Variants in KHDRBS3 observed in about 807,000 individuals in gnomAD.
KHDRBS3 encodes KH domain-containing, RNA-binding, signal transduction-associated protein 3.
Under a neutral mutation model 45.6 loss-of-function variants are expected in KHDRBS3, and 23 were observed. The ratio of observed to expected loss-of-function variants is 0.50; its 90% CI spans 0.36 to 0.72. KHDRBS3 has a LOEUF of 0.72. Among genes scored for constraint, KHDRBS3 ranks in the 30% least tolerant of loss-of-function variants. KHDRBS3 has a pLI of 0.00. For missense variants in KHDRBS3, 352 were observed against 424.8 expected, an observed-to-expected ratio of 0.83 and a Z score of 1.51; for synonymous variants, 162 against 156.5, an observed-to-expected ratio of 1.04 and a Z score of -0.26.
intron 1 of KHDRBS3, among the ~76,000 whole-genome samples, chr8:135,461,072 C>A (rs1249002847): frequency 1.3e-5 from 2 of 152,260 alleles, no homozygotes; most frequent in Admixed American, 1.3e-4. Flanking sequence ...TCCTCCTCCA[C>A]CTCCTAAATG....
At chr8:135,508,553 G>A (rs1464180584) in intron 1 of KHDRBS3, among the ~76,000 whole-genome samples, 1 of 152,162 alleles carries the variant, frequency 6.6e-6, no homozygotes, top group Admixed American at 6.5e-5. Context: ...TATACTTAAT[G>A]ATGTTTGCAA....
chr8:135,512,280 T>G lies in KHDRBS3; in HGVS notation c.89-8957T>G, dbSNP rs192728757. Among the ~76,000 whole-genome samples the G allele has an allele frequency of 9.2e-5, 14 of 152,274 alleles. No homozygotes were observed. The East Asian group carries it at 2.7e-3, about 29-fold the overall frequency. On this transcript the variant is annotated intron_variant, in intron 1 of 8. Transcript: ENST00000355849. ...TCTTTATATTTCTTTTAAAAACAATTTAAATACTCCAGCTGGACTGTTGTA... is the reference window on the plus strand; with the variant it reads ...TCTTTATATTTCTTTTAAAAACAATGTAAATACTCCAGCTGGACTGTTGTA...
intron 5 of KHDRBS3, among the ~76,000 whole-genome samples, chr8:135,570,735 G>C (rs1022778055): frequency 2.0e-5 from 3 of 152,120 alleles, no homozygotes; most frequent in African/African-American, 7.2e-5. Context: ...AACTAGGCTT[G>C]TTACCTGGCA....
At chr8:135,594,546 A>G (rs1049428623) in intron 6 of KHDRBS3, among the ~76,000 whole-genome samples, 71 of 152,240 alleles carry the variant, frequency 4.7e-4, no homozygotes, top group Non-Finnish European at 8.5e-4. Flanking sequence ...CCATGTGGAA[A>G]GTACTTGATA....
chr8:135,469,771 C>G (rs1052669740), intron 1 of KHDRBS3, among the ~76,000 whole-genome samples: 11 of 152,172 alleles, frequency 7.2e-5, no homozygotes, highest in Admixed American at 5.9e-4. Context: ...TCGTGATCCA[C>G]CCGCCTTGGC....
At chr8:135,604,518 G>GTT (rs200421221) in intron 6 of KHDRBS3, among the ~76,000 whole-genome samples, 2 of 144,036 alleles carry the variant, frequency 1.4e-5, no homozygotes, top group African/African-American at 5.1e-5. Context: ...TGTGTTAAAT[G>GTT]TTTTTTTTTT....
chr8:135,626,854 A>T (rs959087616), intron 7 of KHDRBS3, among the ~76,000 whole-genome samples: 1 of 145,388 alleles, frequency 6.9e-6, no homozygotes. Flanking sequence ...GGCAGTTCTC[A>T]TAAGGAAAAC....
At chr8:135,578,249 C>T (rs938501175) in intron 5 of KHDRBS3, among the ~76,000 whole-genome samples, 1 of 152,048 alleles carries the variant, frequency 6.6e-6, no homozygotes, top group South Asian at 2.1e-4. Context: ...CAAAGTAGAA[C>T]TTACCAATTT....
intron 4 of KHDRBS3, among the ~76,000 whole-genome samples, chr8:135,553,083 T>C (rs1172283723): frequency 6.6e-6 from 1 of 152,192 alleles, no homozygotes; most frequent in Non-Finnish European, 1.5e-5. Flanking sequence ...CAGAGGTGTG[T>C]GGCGAGCTTT....
intron 4 of KHDRBS3, among the ~76,000 whole-genome samples, chr8:135,653,717 T>C (rs542220759): frequency 5.9e-5 from 9 of 152,372 alleles, no homozygotes; most frequent in African/African-American, 1.9e-4. Context: ...TAGGCTAAGC[T>C]AAGCTATGAT....
chr8:135,566,691 CAA>C (rs569527746), intron 5 of KHDRBS3, among the ~76,000 whole-genome samples: 1 of 146,322 alleles, frequency 6.8e-6, no homozygotes, highest in Non-Finnish European at 1.5e-5. Flanking sequence ...TTTATCTTTA[CAA>C]AAAAAAAAGT....
intron 5 of KHDRBS3, among the ~76,000 whole-genome samples, chr8:135,562,069 A>C (rs540956298): frequency 5.3e-5 from 8 of 152,322 alleles, no homozygotes; most frequent in African/African-American, 1.9e-4. Flanking sequence ...TTTAAAATAA[A>C]TTTAGTGTAG....
chr8:135,472,692 G>A lies in KHDRBS3; in HGVS notation c.88+14738G>A, dbSNP rs145958249. The stretch of plus-strand genomic sequence containing the variant: ...GAAGGATGTCATGCAGGAGAATGGC[G>A]TGCTCAGCTCTGTTCTAGATGGATC... On this transcript the variant is annotated intron_variant, in intron 1 of 8. Transcript: ENST00000355849. Among the ~76,000 whole-genome samples, 569 of 152,320 alleles carry A rather than the reference G, an allele frequency of 3.7e-3. 5 individuals are homozygous for A. The highest frequency in any genetic ancestry group is 0.013 in the African/African-American group (553 of 41,570).
chr8:135,549,564 A>G (rs1404699234), intron 4 of KHDRBS3: 1 of 152,218 alleles, frequency 6.6e-6, no homozygotes, highest in African/African-American at 2.4e-5. Flanking sequence ...ACGAAAGTTG[A>G]TTTAAGTCTT....
chr8:135,521,417 A>G lies in KHDRBS3; in HGVS notation c.207+62A>G, dbSNP rs560117178. 1.6e-5 allele frequency: 14 copies of G among 887,748 alleles called. No individual in the cohort carries two copies. The African/African-American group carries it at 2.0e-4, about 13-fold the overall frequency. 55.0% of individuals were successfully genotyped at this position (887,748 alleles called of 1,614,324 possible). On this transcript the variant is annotated intron_variant, in intron 2 of 8. Transcript: ENST00000355849. ...CTGAATCAAAGGGGAGCAGATGTTTAATTTATATTCTGTTTGGTGTTTTTA... is the reference window on the plus strand; with the variant it reads ...CTGAATCAAAGGGGAGCAGATGTTTGATTTATATTCTGTTTGGTGTTTTTA...
At chr8:135,637,162 A>G (rs1830848453) in intron 7 of KHDRBS3, among the ~76,000 whole-genome samples, 1 of 152,240 alleles carries the variant, frequency 6.6e-6, no homozygotes, top group African/African-American at 2.4e-5. Context: ...CTATTAGATA[A>G]GTAAGGCTCT....
chr8:135,544,200 C>T (rs559883061), intron 3 of KHDRBS3, among the ~76,000 whole-genome samples: 3 of 152,240 alleles, frequency 2.0e-5, no homozygotes, highest in Admixed American at 2.0e-4. Flanking sequence ...AGCAGGATTC[C>T]ACTGTCCCAC....
At chr8:135,489,783 G>T (rs1586597249) in intron 1 of KHDRBS3, among the ~76,000 whole-genome samples, 2 of 152,104 alleles carry the variant, frequency 1.3e-5, no homozygotes, top group Non-Finnish European at 2.9e-5. Flanking sequence ...ATTTATTGAA[G>T]AAAAAATATT....
intron 5 of KHDRBS3, among the ~76,000 whole-genome samples, chr8:135,566,023 A>G (rs1827396675): frequency 6.6e-6 from 1 of 152,206 alleles, no homozygotes; most frequent in Admixed American, 6.5e-5. Flanking sequence ...GTGTTTTGAG[A>G]AAACACATGT....
Sources: allele counts gnomAD v4.1 joint callset (sites outside exome capture counted in the v4.1 genomes callset), GRCh38; gene constraint gnomAD v4.1.1; transcripts MANE v1.5; gene names NCBI Gene and HGNC (gene_info 2026-07-23, HGNC 2026-07-21).